Variants in NTRK2 observed in about 807,000 individuals in gnomAD.
NTRK2 encodes neurotrophic receptor tyrosine kinase 2, also known as BDNF/NT-3 growth factors receptor.
Under a neutral mutation model 94.5 loss-of-function variants are expected in NTRK2, and 13 were observed. The ratio of observed to expected loss-of-function variants is 0.14; its 90% CI spans 0.09 to 0.22. The LOEUF is 0.22. NTRK2 is among the 10% of genes least tolerant of loss of function. The probability of loss-of-function intolerance (pLI) is 1.00; values close to 1 mark genes in which losing one functional copy is unlikely to be tolerated. For synonymous variants in NTRK2, 372 were observed against 407.4 expected, an observed-to-expected ratio of 0.91 and a Z score of 1.05; for missense variants, 639 against 1,071.2, an observed-to-expected ratio of 0.60 and a Z score of 5.63.
At chr9:84,718,491 T>C (rs1296805956) in intron 6 of NTRK2, among the ~76,000 whole-genome samples, 1 of 152,128 alleles carries the variant, frequency 6.6e-6, no homozygotes, top group East Asian at 1.9e-4. Context: ...ACTGCCTGGT[T>C]GATGATTTTC....
intron 8 of NTRK2, among the ~76,000 whole-genome samples, chr9:84,725,301 T>G (rs2062365723): frequency 6.6e-6 from 1 of 152,186 alleles, no homozygotes; most frequent in Admixed American, 6.5e-5. Flanking sequence ...GCTGTAATCC[T>G]TTATCATTGT....
chr9:84,837,224 A>G (rs1448895499), intron 12 of NTRK2, among the ~76,000 whole-genome samples: 1 of 152,032 alleles, frequency 6.6e-6, no homozygotes, highest in Non-Finnish European at 1.5e-5. Flanking sequence ...TATTTTAGAG[A>G]TGAGGAAACT....
At chr9:84,930,691 G>A (rs1185497272) in intron 14 of NTRK2, among the ~76,000 whole-genome samples, 1 of 152,190 alleles carries the variant, frequency 6.6e-6, no homozygotes, top group Non-Finnish European at 1.5e-5. Context: ...CCGTGGAGGG[G>A]TGTCCAGGGG....
intron 17 of NTRK2, among the ~76,000 whole-genome samples, chr9:85,004,019 G>GAGAAAGAAAGAAAGAAAGAA (rs1216247752): frequency 2.1e-5 from 1 of 48,338 alleles, no homozygotes. Flanking sequence ...AAAAGAAAGA[G>GAGAAAGAAAGAAAGAAAGAA]AGAAAGAAAG....
At chr9:84,734,285 T>G (rs1588240847) in intron 9 of NTRK2, among the ~76,000 whole-genome samples, 1 of 152,164 alleles carries the variant, frequency 6.6e-6, no homozygotes, top group East Asian at 1.9e-4. Context: ...TATCCTCTCC[T>G]TAGGTAGGCA....
At chr9:84,954,342 G>A (rs1823842188) in intron 16 of NTRK2, among the ~76,000 whole-genome samples, 1 of 152,224 alleles carries the variant, frequency 6.6e-6, no homozygotes, top group Admixed American at 6.5e-5. Flanking sequence ...GCTGAGGGCG[G>A]CATCCTAAGA....
intron 12 of NTRK2, among the ~76,000 whole-genome samples, chr9:84,793,768 G>A (rs2068974164): frequency 1.3e-5 from 2 of 152,178 alleles, no homozygotes; most frequent in South Asian, 4.1e-4. Context: ...TCGCAGAAAT[G>A]ACTATAAGAC....
intron 12 of NTRK2, among the ~76,000 whole-genome samples, chr9:84,836,670 GATTTGGAA>G: frequency 6.8e-6 from 1 of 147,360 alleles, no homozygotes; most frequent in African/African-American, 2.5e-5. Flanking sequence ...GGATTTGGGG[GATTTGGAA>G]ATTTTGGAAA....
At chr9:84,816,058 G>C (rs1207321840) in intron 12 of NTRK2, among the ~76,000 whole-genome samples, 1 of 151,128 alleles carries the variant, frequency 6.6e-6, no homozygotes, top group African/African-American at 2.4e-5. Flanking sequence ...AAGCCCTTTG[G>C]TATTTTAAAA....
At chr9:84,913,356 C>A (rs949416999) in intron 14 of NTRK2, among the ~76,000 whole-genome samples, 1 of 152,150 alleles carries the variant, frequency 6.6e-6, no homozygotes, top group Non-Finnish European at 1.5e-5. Flanking sequence ...TTCCACTTTA[C>A]TTTCCCTTTC....
intron 12 of NTRK2, chr9:84,813,108 A>G: frequency 9.6e-7 from 1 of 1,040,470 alleles, no homozygotes; most frequent in Non-Finnish European, 1.2e-6. Flanking sequence ...GCAGCATTAG[A>G]AAAGGAGAGG....
intron 18 of NTRK2, 105 bp from the exon 19 acceptor site, chr9:85,021,147 G>C: frequency 2.1e-6 from 2 of 940,820 alleles, no homozygotes; most frequent in Admixed American, 2.0e-5. Flanking sequence ...CCAAGAGTGG[G>C]CTTCTTTTGT....
At chr9:84,959,280 G>GT (rs935588016) in intron 17 of NTRK2, among the ~76,000 whole-genome samples, 16 of 151,928 alleles carry the variant, frequency 1.1e-4, no homozygotes, top group Non-Finnish European at 1.5e-4. Flanking sequence ...TTGTGTGTGG[G>GT]TTTTTTTTGT....
Position 84,710,630 on chromosome 9 carries a change from C to G in NTRK2, c.429-7C>G, listed in dbSNP as rs199815711. ...ACTTGATCTGTTGTCATTTTTGTTC[C>G]CTGTAGGATCCTGGTGGGCAATCCA... On this transcript the variant is annotated splice_region_variant and splice_polypyrimidine_tract_variant and intron_variant, in intron 5 of 18. Coordinates refer to ENST00000277120, the MANE Select transcript of NTRK2 (RefSeq NM_006180.6). 75 of 1,613,924 alleles carry G rather than the reference C, an allele frequency of 4.6e-5. 1 individual carries two copies. Among genetic ancestry groups the G allele is most frequent in the Non-Finnish European group, 5.8e-5 (68 of 1,179,962 alleles).
intron 14 of NTRK2, among the ~76,000 whole-genome samples, chr9:84,907,268 C>G (rs1201777515): frequency 6.6e-6 from 1 of 152,092 alleles, no homozygotes; most frequent in Non-Finnish European, 1.5e-5. Context: ...CAAAGAAATA[C>G]GGTGAATCCA....
chr9:84,763,342 A>AT (rs2065757164), intron 12 of NTRK2, among the ~76,000 whole-genome samples: 1 of 151,844 alleles, frequency 6.6e-6, no homozygotes, highest in African/African-American at 2.4e-5. Flanking sequence ...GTATCTAACC[A>AT]TTTTTCCCCT....
Position 85,021,942 on chromosome 9 carries a change from G to C in NTRK2, c.*505G>C. Reference sequence around the variant, plus strand: ...TAAACTTTGTCACTTCTGCTGTACAGATATCGAGAGTTTCTATGGATTCAC... The same window carrying C: ...TAAACTTTGTCACTTCTGCTGTACACATATCGAGAGTTTCTATGGATTCAC... On this transcript the variant is annotated 3_prime_UTR_variant, in exon 19 of 19. Coordinates refer to ENST00000277120, the MANE Select transcript of NTRK2 (RefSeq NM_006180.6). 1 of 248,862 alleles carries C rather than the reference G, an allele frequency of 4.0e-6. No individual in the cohort carries two copies. The highest frequency in any genetic ancestry group is 7.9e-6 in the Non-Finnish European group (1 of 127,254). 15.4% of individuals were successfully genotyped at this position (248,862 alleles called of 1,614,324 possible). A position where few individuals can be genotyped will look rare whatever the true frequency, so the allele number is the denominator to read the frequency against.
At chr9:84,958,780 A>AATGATGGTTCACCTTTTCGTTTC (rs1824504500) in intron 17 of NTRK2, among the ~76,000 whole-genome samples, 1 of 152,224 alleles carries the variant, frequency 6.6e-6, no homozygotes, top group Non-Finnish European at 1.5e-5. Context: ...AAAATGTCAG[A>AATGATGGTTCACCTTTTCGTTTC]ATGATGGTTC....
At chr9:84,794,757 G>T (rs2133258364) in intron 12 of NTRK2, among the ~76,000 whole-genome samples, 1 of 152,246 alleles carries the variant, frequency 6.6e-6, no homozygotes, top group Middle Eastern at 3.4e-3. Context: ...TGGGAGTCTA[G>T]GACAGAGGTT....
Sources: gnomAD v4.1 joint callset for allele counts (sites outside exome capture counted in the v4.1 genomes callset) on GRCh38, gnomAD v4.1.1 for gene constraint, MANE v1.5 for transcripts, NCBI Gene and HGNC (gene_info 2026-07-23, HGNC 2026-07-21) for gene names.